Variants in GNAT3 observed in about 807,000 individuals in gnomAD.
GNAT3 encodes guanine nucleotide-binding protein G(t) subunit alpha-3.
Under a neutral mutation model 37.7 loss-of-function variants are expected in GNAT3, and 31 were observed. The observed-to-expected ratio is 0.82, with a 90% CI of 0.62 to 1.11. GNAT3 has a LOEUF of 1.11. Among genes scored for constraint, GNAT3 ranks in the 50% most tolerant of loss-of-function variants. The pLI is 0.00. For synonymous variants in GNAT3, 138 were observed against 139.8 expected (o/e 0.99, Z 0.09); for missense variants, 437 against 412.5 (o/e 1.06, Z -0.51).
chr7:80,463,437 C>A (rs1790084633), intron 5 of GNAT3, among the ~76,000 whole-genome samples: 1 of 152,142 alleles, frequency 6.6e-6, no homozygotes, highest in South Asian at 2.1e-4. Context: ...CTTTCACACA[C>A]AGTCTCTTTC....
chr7:80,461,184 C>T (rs1351732902), intron 7 of GNAT3, among the ~76,000 whole-genome samples: 2 of 151,876 alleles, frequency 1.3e-5, no homozygotes, highest in East Asian at 3.9e-4. Flanking sequence ...TGATAAAATG[C>T]CATGGTCCTA....
chr7:80,492,753 A>G (rs1028035656), intron 2 of GNAT3, among the ~76,000 whole-genome samples: 10 of 151,634 alleles, frequency 6.6e-5, no homozygotes, highest in African/African-American at 2.4e-4. Context: ...TATTATTTTT[A>G]TAAATTCTCT....
rs1562732685 is a variant in GNAT3, at chr7:80,497,573, CATATA to C, written c.119-2931_119-2927del. Among the ~76,000 whole-genome samples the C allele has an allele frequency of 2.2e-5, 3 of 137,370 alleles. 1 individual carries two copies. Among genetic ancestry groups the C allele is most frequent in the Admixed American group, 1.4e-4 (2 of 13,970 alleles). The allele number at this position is 137,370 out of a possible 152,430, so 90.1% of individuals were successfully genotyped here. ...ATACGTATATACATATACGTATATA[CATATA>C]CGTATATACATATACGTATATACAT... On this transcript the variant is annotated intron_variant, in intron 1 of 7. Transcript: ENST00000398291.
At chr7:80,489,716 C>G (rs553784326) in intron 2 of GNAT3, among the ~76,000 whole-genome samples, 1 of 151,874 alleles carries the variant, frequency 6.6e-6, no homozygotes, top group Non-Finnish European at 1.5e-5. Context: ...TGCATTAAAC[C>G]ATTAAATAAC....
intron 3 of GNAT3, chr7:80,486,446 C>A (rs558106355): frequency 4.6e-5 from 7 of 150,544 alleles, no homozygotes; most frequent in Non-Finnish European, 7.4e-5. Context: ...AATCTCTCAT[C>A]TCACTTTTTT....
At chr7:80,470,096 T>A (rs1201210009) in intron 5 of GNAT3, among the ~76,000 whole-genome samples, 1 of 152,164 alleles carries the variant, frequency 6.6e-6, no homozygotes, top group African/African-American at 2.4e-5. Context: ...TCTTCCTCAC[T>A]GAAAATGCCT....
At chr7:80,499,846 C>G (rs536847158) in intron 1 of GNAT3, among the ~76,000 whole-genome samples, 2 of 152,178 alleles carry the variant, frequency 1.3e-5, no homozygotes, top group South Asian at 2.1e-4. Context: ...AGTCAGTTTC[C>G]TCTATTATAA....
At chr7:80,495,950 T>C (rs1030715480) in intron 1 of GNAT3, among the ~76,000 whole-genome samples, 1 of 152,184 alleles carries the variant, frequency 6.6e-6, no homozygotes, top group Non-Finnish European at 1.5e-5. Context: ...TTCTGGGTAT[T>C]AGTCCTTTGT....
At position 80,494,701 on chromosome 7, in the gene GNAT3, A is replaced by G. The variant is rs142382485; in HGVS notation, c.119-54T>C. On this transcript the variant is annotated intron_variant, in intron 1 of 7. Transcript: ENST00000398291. ...ACTGATATACCAAATTTGAATAGAT[A>G]TTAAAAACTATCACTTTTCATGGAT... 944 of 981,064 alleles carry G rather than the reference A, an allele frequency of 9.6e-4. 7 individuals carry two copies. The African/African-American group carries it at 0.013, about 14-fold the overall frequency. The allele number at this position is 981,064 out of a possible 1,614,324, so 60.8% of individuals were successfully genotyped here.
chr7:80,474,579 G>A (rs548008387), intron 4 of GNAT3, among the ~76,000 whole-genome samples, 200 bp from the exon 5 acceptor site: 3 of 152,164 alleles, frequency 2.0e-5, no homozygotes, highest in South Asian at 2.1e-4. Flanking sequence ...CTAGACAGGC[G>A]CTTTCCAAAC....
chr7:80,473,318 A>G (rs1790250121), intron 5 of GNAT3, among the ~76,000 whole-genome samples: 1 of 152,176 alleles, frequency 6.6e-6, no homozygotes, highest in Non-Finnish European at 1.5e-5. Flanking sequence ...CATAATAGGT[A>G]TTCTACTTAG....
chr7:80,472,657 A>C (rs1277755756), intron 5 of GNAT3, among the ~76,000 whole-genome samples: 2 of 152,156 alleles, frequency 1.3e-5, no homozygotes, highest in African/African-American at 4.8e-5. Context: ...GTGAGCTTTT[A>C]GGTATTCAAC....
chr7:80,509,390 T>A (rs940403531), intron 1 of GNAT3, among the ~76,000 whole-genome samples: 2 of 152,104 alleles, frequency 1.3e-5, no homozygotes, highest in African/African-American at 4.8e-5. Context: ...ATAAATAAAA[T>A]GTGACAAAGG....
At chr7:80,459,388 A>G (rs1192220124) in intron 7 of GNAT3, among the ~76,000 whole-genome samples, 2 of 152,208 alleles carry the variant, frequency 1.3e-5, no homozygotes, top group Non-Finnish European at 2.9e-5. Flanking sequence ...GATAGAAATG[A>G]AAGATTTTTG....
chr7:80,500,898 A>G (rs1177671792), intron 1 of GNAT3, among the ~76,000 whole-genome samples: 6 of 151,044 alleles, frequency 4.0e-5, no homozygotes, highest in Admixed American at 4.0e-4. Context: ...AGTCCCCCCA[A>G]CCTTTTCTCT....
At chr7:80,473,628 G>A (rs1790255169) in intron 5 of GNAT3, among the ~76,000 whole-genome samples, 1 of 151,834 alleles carries the variant, frequency 6.6e-6, no homozygotes, top group Non-Finnish European at 1.5e-5. Context: ...AAATATTAAG[G>A]GATATTTTCT....
At chr7:80,480,522 A>G (rs12666211) in intron 3 of GNAT3, among the ~76,000 whole-genome samples, 37,919 of 151,968 alleles carry the variant, frequency 0.25, 7,177 homozygotes, top group African/African-American at 0.54. Flanking sequence ...ATAGGGCAAA[A>G]TGAAAGCAAG....
intron 5 of GNAT3, among the ~76,000 whole-genome samples, chr7:80,469,136 G>A (rs545511157): frequency 6.6e-6 from 1 of 152,008 alleles, no homozygotes; most frequent in Non-Finnish European, 1.5e-5. Context: ...AAATGACCAC[G>A]ATATACACAA....
intron 3 of GNAT3, among the ~76,000 whole-genome samples, chr7:80,480,236 T>A (rs1790371851): frequency 6.6e-6 from 1 of 152,100 alleles, no homozygotes; most frequent in African/African-American, 2.4e-5. Flanking sequence ...CTAGTGCATA[T>A]TATTACAATT....
Sources: allele counts gnomAD v4.1 joint callset (sites outside exome capture counted in the v4.1 genomes callset), GRCh38; gene constraint gnomAD v4.1.1; transcripts MANE v1.5; gene names NCBI Gene and HGNC (gene_info 2026-07-23, HGNC 2026-07-21).